The following EXOC4 variants were observed in gnomAD, a reference collection of about 807,000 sequenced individuals.
EXOC4 encodes exocyst complex component 4.
In EXOC4, 71 loss-of-function variants were observed where a neutral mutation model predicts 107.2. That is an observed-to-expected ratio of 0.66 (90% CI 0.55 to 0.81). The LOEUF is 0.81. EXOC4 is among the 30% of genes least tolerant of loss of function. The pLI is 0.00. For synonymous variants in EXOC4, 456 were observed against 441.2 expected (o/e 1.03, Z -0.42); for missense variants, 1,108 against 1,189.6 (o/e 0.93, Z 1.01).
intron 9 of EXOC4, among the ~76,000 whole-genome samples, chr7:133,617,379 AT>A (rs1358293228): frequency 1.3e-5 from 2 of 152,200 alleles, no homozygotes; most frequent in African/African-American, 4.8e-5. Flanking sequence ...CATAACTAGT[AT>A]TTTCATTGAT....
chr7:133,408,289 A>C lies in EXOC4; in HGVS notation c.1182+33287A>C, dbSNP rs1165986139. 2.9e-5 allele frequency among the ~76,000 whole-genome samples: 4 copies of C among 135,802 alleles called. No individual in the cohort carries two copies. In the East Asian group the frequency reaches 9.8e-4, roughly 33 times the overall value. The allele number at this position is 135,802 out of a possible 152,430, so 89.1% of individuals were successfully genotyped here. A position where few individuals can be genotyped will look rare whatever the true frequency, so the allele number is the denominator to read the frequency against. On this transcript the variant is annotated intron_variant, in intron 7 of 17. Coordinates refer to ENST00000253861, the MANE Select transcript of EXOC4 (RefSeq NM_021807.4). ...ATCGTGGGGGTCATGGTAGGGTGGT[A>C]GTGATGATGGAGGTATTGGTGGGGA...
At chr7:134,072,768 G>A in the EXOC4 span, among the ~76,000 whole-genome samples, 2 of 152,174 alleles carry the variant, frequency 1.3e-5, no homozygotes, top group African/African-American at 4.8e-5. Context: ...GGCATTCAGT[G>A]CCTGGCATGT....
intron 13 of EXOC4, among the ~76,000 whole-genome samples, chr7:133,918,103 C>G (rs1313034584): frequency 6.6e-6 from 1 of 151,780 alleles, no homozygotes; most frequent in Non-Finnish European, 1.5e-5. Flanking sequence ...CTGCCTCAGC[C>G]TCCCAAGTAG....
chr7:133,586,063 A>G (rs1585014656), intron 9 of EXOC4, among the ~76,000 whole-genome samples: 1 of 152,228 alleles, frequency 6.6e-6, no homozygotes, highest in Non-Finnish European at 1.5e-5. Flanking sequence ...GGCATGAAGT[A>G]TCAAGAGGGA....
intron 14 of EXOC4, among the ~76,000 whole-genome samples, chr7:133,943,957 G>A (rs943202143): frequency 1.3e-4 from 20 of 152,160 alleles, no homozygotes; most frequent in Non-Finnish European, 1.9e-4. Flanking sequence ...TGTATCCATG[G>A]TGGGGGTCCT....
intron 7 of EXOC4, among the ~76,000 whole-genome samples, chr7:133,393,384 C>T (rs760324687): frequency 1.3e-5 from 2 of 152,096 alleles, no homozygotes; most frequent in South Asian, 2.1e-4. Context: ...TGTCTCTTCC[C>T]CTAAACTCAC....
chr7:133,715,244 C>A lies in EXOC4; in HGVS notation c.1514+85103C>A, dbSNP rs1298344131. 5.3e-5 allele frequency among the ~76,000 whole-genome samples: 8 copies of A among 152,242 alleles called. No individual in the cohort carries two copies. In the East Asian group the frequency reaches 1.5e-3, roughly 29 times the overall value. ...CCCAGGCTGGCCTCAAACTCCTGGG[C>A]TAAAGTAGTTCCCCTGCTTTAGCCT... is the stretch of plus-strand genomic sequence containing the variant. On this transcript the variant is annotated intron_variant, in intron 10 of 17. Transcript: ENST00000253861.
chr7:133,488,700 A>C (rs1273471364), intron 9 of EXOC4, among the ~76,000 whole-genome samples: 1 of 152,168 alleles, frequency 6.6e-6, no homozygotes, highest in African/African-American at 2.4e-5. Flanking sequence ...GTTCATAGCA[A>C]CATTGTTTTA....
At chr7:133,684,305 A>G (rs978253989) in intron 10 of EXOC4, among the ~76,000 whole-genome samples, 2 of 152,202 alleles carry the variant, frequency 1.3e-5, no homozygotes, top group Admixed American at 6.5e-5. Flanking sequence ...CAATGCGCTC[A>G]TAACTTTGTA....
chr7:134,014,800 A>C (rs1167476878), intron 17 of EXOC4, among the ~76,000 whole-genome samples: 1 of 152,178 alleles, frequency 6.6e-6, no homozygotes, highest in Non-Finnish European at 1.5e-5. Context: ...GGAGTTTAAA[A>C]AAAAAAGAGG....
At chr7:133,568,101 T>G (rs1017353415) in intron 9 of EXOC4, among the ~76,000 whole-genome samples, 3 of 152,248 alleles carry the variant, frequency 2.0e-5, no homozygotes, top group Non-Finnish European at 4.4e-5. Context: ...ATGTTTTAGT[T>G]TGAATTTATA....
In EXOC4 at chr7:134,005,017, C is replaced by A. The variant is rs1390798749; in HGVS notation, c.2454C>A (p.Asn818Lys). 1 of 1,613,604 alleles carries A rather than the reference C, an allele frequency of 6.2e-7. No homozygotes were observed. Among genetic ancestry groups the A allele is most frequent in the Non-Finnish European group, 8.5e-7 (1 of 1,179,666 alleles). ...MDYDPLVVKL[N>K]KDISAIEEAM... The stretch of plus-strand genomic sequence containing the variant: ...ATGACCCCCTGGTGGTCAAGCTCAA[C>A]AAAGATATCAGCGCCATTGAAGAGG... The change falls in exon 16 of 18, where the codon AAC (asparagine) becomes AAA (lysine). Residue 818 changes from asparagine to lysine, a missense_variant. Physicochemically the swap from Asn to Lys is moderately conservative, Grantham distance 94. Transcript: ENST00000253861.
chr7:133,604,376 T>G (rs1801880455), intron 9 of EXOC4, among the ~76,000 whole-genome samples: 1 of 152,218 alleles, frequency 6.6e-6, no homozygotes, highest in Non-Finnish European at 1.5e-5. Flanking sequence ...GTGCTATACT[T>G]TTATATGACT....
At chr7:133,631,494 A>G (rs1802590423) in intron 10 of EXOC4, among the ~76,000 whole-genome samples, 1 of 152,094 alleles carries the variant, frequency 6.6e-6, no homozygotes, top group Admixed American at 6.6e-5. Context: ...TTTAAATACA[A>G]AAACATAAAT....
chr7:133,932,916 GA>G (rs1462604483), intron 13 of EXOC4, among the ~76,000 whole-genome samples: 2 of 150,520 alleles, frequency 1.3e-5, no homozygotes, highest in African/African-American at 4.9e-5. Flanking sequence ...GACCAGGAGA[GA>G]GAGAGAGAGA....
At chr7:133,420,223 T>C (rs193273927) in intron 7 of EXOC4, among the ~76,000 whole-genome samples, 2 of 147,602 alleles carry the variant, frequency 1.4e-5, no homozygotes, top group East Asian at 2.0e-4. Flanking sequence ...ATGTGGTGTT[T>C]GGTTTTTTGT....
intron 5 of EXOC4, among the ~76,000 whole-genome samples, chr7:133,328,152 T>C (rs1795292230): frequency 6.6e-6 from 1 of 152,212 alleles, no homozygotes; most frequent in Non-Finnish European, 1.5e-5. Flanking sequence ...TAGTTAGCTC[T>C]TCTTGTTGAA....
At chr7:133,960,257 T>C (rs1011490966) in intron 14 of EXOC4, among the ~76,000 whole-genome samples, 4 of 152,240 alleles carry the variant, frequency 2.6e-5, no homozygotes, top group Non-Finnish European at 5.9e-5. Flanking sequence ...CGAATAAAAC[T>C]GTTATAAGGA....
intron 10 of EXOC4, among the ~76,000 whole-genome samples, chr7:133,650,319 GA>G: frequency 6.6e-6 from 1 of 152,054 alleles, no homozygotes; most frequent in East Asian, 1.9e-4. Flanking sequence ...AAGGAAAAAG[GA>G]AAAAAGGCTT....
Sources: gnomAD v4.1 joint callset for allele counts (sites outside exome capture counted in the v4.1 genomes callset) on GRCh38, gnomAD v4.1.1 for gene constraint, MANE v1.5 for transcripts, NCBI Gene and HGNC (gene_info 2026-07-23, HGNC 2026-07-21) for gene names.